Variants in WDR17 observed in about 807,000 individuals in gnomAD.
The protein encoded by WDR17 is WD repeat-containing protein 17.
A neutral mutation model predicts 161.7 loss-of-function variants in WDR17; 143 were observed. The observed-to-expected ratio is 0.88, with a 90% confidence interval of 0.77 to 1.02. The LOEUF (loss-of-function observed/expected upper bound fraction) is 1.02. WDR17 is among the 50% of genes least tolerant of loss of function. The pLI is 0.00. For missense variants in WDR17, 1,469 were observed against 1,520.9 expected (o/e 0.97, Z 0.57); for synonymous variants, 517 against 515.6 (o/e 1.00, Z -0.04).
chr4:176,072,249 C>A (rs1482728345), intron 1 of WDR17, among the ~76,000 whole-genome samples: 2 of 152,224 alleles, frequency 1.3e-5, no homozygotes, highest in African/African-American at 2.4e-5. Context: ...AGAGATTAAT[C>A]TCAGACAGTA....
rs1003284634 is a variant in WDR17, at chr4:176,167,518, C to T, written c.2991-1154C>T. Among the ~76,000 whole-genome samples the T allele has an allele frequency of 3.5e-4, 52 of 149,906 alleles. 1 individual carries two copies. Among genetic ancestry groups the T allele is most frequent in the African/African-American group, 1.2e-3 (48 of 40,836 alleles). ...AAAATTAGCCGGGCGAGGTGGCGGG[C>T]GCCTGTAGTCCCAGCTACTCGGGAG... is the stretch of plus-strand genomic sequence containing the variant. On this transcript the variant is annotated intron_variant, in intron 22 of 28. Transcript: ENST00000508596.
chr4:176,087,583 T>C (rs1006993790), intron 1 of WDR17, among the ~76,000 whole-genome samples: 1 of 152,120 alleles, frequency 6.6e-6, no homozygotes, highest in East Asian at 1.9e-4. Context: ...GGTTTCACTA[T>C]ATTATCCCTT....
chr4:176,148,084 G>C (rs1746475860), intron 12 of WDR17, 49 bp from the exon 13 acceptor site: 2 of 1,519,008 alleles, frequency 1.3e-6, no homozygotes, highest in African/African-American at 2.7e-5. Context: ...TAATACTCTA[G>C]ATACATTATA....
intron 17 of WDR17, among the ~76,000 whole-genome samples, chr4:176,153,923 T>G (rs1008349881): frequency 2.6e-5 from 4 of 152,212 alleles, no homozygotes; most frequent in African/African-American, 9.6e-5. Context: ...TAGTAAATAT[T>G]TAACTAAAAG....
intron 12 of WDR17, among the ~76,000 whole-genome samples, chr4:176,146,507 T>C (rs1310796034): frequency 6.6e-6 from 1 of 152,246 alleles, no homozygotes; most frequent in Non-Finnish European, 1.5e-5. Context: ...AAATCAGTTA[T>C]ACTGCCGTAC....
chr4:176,148,051 A>T (rs1285670197), intron 12 of WDR17, 82 bp from the exon 13 acceptor site: 2 of 1,202,522 alleles, frequency 1.7e-6, no homozygotes, highest in Non-Finnish European at 2.3e-6. Context: ...ACAAATAATT[A>T]TTATACTCTA....
chr4:176,096,396 G>A, intron 1 of WDR17: 1 of 661,112 alleles, frequency 1.5e-6, no homozygotes, highest in Non-Finnish European at 2.6e-6. Flanking sequence ...CTTTTGTACT[G>A]AACATCATTT....
At chr4:176,153,361 A>G (rs1429708319) in intron 17 of WDR17, among the ~76,000 whole-genome samples, 1 of 152,204 alleles carries the variant, frequency 6.6e-6, no homozygotes, top group Non-Finnish European at 1.5e-5. Context: ...ATGGAGGGCT[A>G]AATCAACAAA....
intron 1 of WDR17, among the ~76,000 whole-genome samples, chr4:176,080,204 T>G (rs2126588209): frequency 6.6e-6 from 1 of 152,176 alleles, no homozygotes; most frequent in East Asian, 1.9e-4. Context: ...CATAAGTTTT[T>G]TTTTAATAAC....
chr4:176,074,262 C>T (rs539728832), intron 1 of WDR17, among the ~76,000 whole-genome samples: 8 of 152,040 alleles, frequency 5.3e-5, no homozygotes, highest in Admixed American at 3.3e-4. Context: ...TTAATCCATC[C>T]TGTGCCATCT....
intron 13 of WDR17, among the ~76,000 whole-genome samples, chr4:176,148,731 G>C (rs1488033159): frequency 6.6e-6 from 1 of 152,152 alleles, no homozygotes; most frequent in Non-Finnish European, 1.5e-5. Context: ...TAATAGAGTA[G>C]ATACCACTTA....
At chr4:176,154,314 C>T (rs1747710587) in intron 17 of WDR17, among the ~76,000 whole-genome samples, 1 of 152,102 alleles carries the variant, frequency 6.6e-6, no homozygotes, top group Non-Finnish European at 1.5e-5. Flanking sequence ...AACCCTGTCT[C>T]TACCAAAAAT....
chr4:176,172,178 C>T (rs11133134), intron 23 of WDR17, among the ~76,000 whole-genome samples, 197 bp from the exon 24 acceptor site: 7,752 of 152,146 alleles, frequency 0.051, 351 homozygotes, highest in East Asian at 0.21. Flanking sequence ...TAACTAATAT[C>T]CCCTCTTACT....
rs763049246 is a variant in WDR17, at chr4:176,131,745, A to G, written c.1098+7A>G. 1.1e-5 allele frequency: 17 copies of G among 1,595,224 alleles called. No homozygotes were observed. The African/African-American group carries it at 1.8e-4, about 17-fold the overall frequency. ...GGATTTTCTTAGAGACTTGGTATGT[A>G]TGTAGTCATTCCTTTATTATACATA... On this transcript the variant is annotated splice_region_variant and intron_variant, in intron 7 of 28. Coordinates refer to ENST00000508596, the MANE Select transcript of WDR17 (RefSeq NM_181265.4).
rs553213829 is a variant in WDR17, at chr4:176,083,781, T to C, written c.-7+17702T>C. On this transcript the variant is annotated intron_variant, in intron 1 of 28. Transcript: ENST00000508596. Reference sequence around the variant, plus strand: ...GAGTTGTCCAAAGCATTTGCCCCAGTTTACGTTCCCCTGAGCAGTATATGA... The same window carrying C: ...GAGTTGTCCAAAGCATTTGCCCCAGCTTACGTTCCCCTGAGCAGTATATGA... Among the ~76,000 whole-genome samples, 277 of 152,224 alleles carry C rather than the reference T, an allele frequency of 1.8e-3. 1 individual carries two copies. Among genetic ancestry groups the C allele is most frequent in the Non-Finnish European group, 2.9e-3 (200 of 67,994 alleles).
At chr4:176,121,353 C>T (rs1741551128) in intron 4 of WDR17, among the ~76,000 whole-genome samples, 1 of 152,134 alleles carries the variant, frequency 6.6e-6, no homozygotes, top group Admixed American at 6.5e-5. Flanking sequence ...TCTCTGTAAC[C>T]TTTGTCTCCG....
At position 176,168,745 on chromosome 4, in the gene WDR17, C is replaced by A; in HGVS notation, c.3064C>A (p.Pro1022Thr). The change falls in exon 23 of 29, where the codon CCA becomes ACA. Residue 1022 changes from proline to threonine, a missense_variant. Physicochemically the swap from Pro to Thr is conservative, Grantham distance 38. Transcript: ENST00000508596. ...TTTAATAAAACTCTGTGCTTTCTAC[C>A]CAGGATGTACTGAAGAGATAAATGA... ...LHLIKLCAFY[P>T]GCTEEINDLH... 1.2e-6 allele frequency: 2 copies of A among 1,612,770 alleles called. No individual in the cohort carries two copies. Among genetic ancestry groups the A allele is most frequent in the Non-Finnish European group, 1.7e-6 (2 of 1,179,454 alleles).
intron 4 of WDR17, among the ~76,000 whole-genome samples, chr4:176,120,587 C>T (rs1054817626): frequency 6.6e-6 from 1 of 151,760 alleles, no homozygotes; most frequent in African/African-American, 2.4e-5. Context: ...CCTTTGAACC[C>T]CTGTTAGTTA....
At chr4:176,067,714 G>A (rs6831148) in intron 1 of WDR17, among the ~76,000 whole-genome samples, 85,662 of 151,996 alleles carry the variant, frequency 0.56, 24,854 homozygotes, top group Non-Finnish European at 0.63. Flanking sequence ...CCAGTAGAGG[G>A]GAGACTAGGG....
Sources: gnomAD v4.1 joint callset for allele counts (sites outside exome capture counted in the v4.1 genomes callset) on GRCh38, gnomAD v4.1.1 for gene constraint, MANE v1.5 for transcripts, NCBI Gene and HGNC (gene_info 2026-07-23, HGNC 2026-07-21) for gene names.